SBNO2: variants seen among roughly 807,000 people sequenced by gnomAD.
The protein encoded by SBNO2 is strawberry notch homolog 2.
A neutral mutation model predicts 146.3 loss-of-function variants in SBNO2; 89 were observed. The observed-to-expected ratio is 0.61, with a 90% confidence interval of 0.51 to 0.73. The LOEUF is 0.73. SBNO2 is among the 30% of genes least tolerant of loss of function. The pLI, the probability that SBNO2 is intolerant of heterozygous loss-of-function variation, is 0.00. For missense variants in SBNO2, 2,092 were observed against 2,003.7 expected (o/e 1.04, Z -0.84); for synonymous variants, 1,147 against 892.6 (o/e 1.29, Z -5.08).
At position 1,147,264 on chromosome 19, in the gene SBNO2, C is replaced by A. The variant is rs780489604; in HGVS notation, c.279+45G>T. ...AGGGCAGCTGGAGGGGCGGCCCAGA[C>A]TCCACCCTGCCCCCCACGGCGCGGT... On this transcript the variant is annotated intron_variant, in intron 4 of 31. Coordinates refer to ENST00000361757, the MANE Select transcript of SBNO2 (RefSeq NM_014963.3). 6 of 1,340,768 alleles carry A rather than the reference C, an allele frequency of 4.5e-6. 1 individual carries two copies. The South Asian group carries it at 7.5e-5, about 17-fold the overall frequency. 83.1% of individuals were successfully genotyped at this position (1,340,768 alleles called of 1,614,324 possible). A position where few individuals can be genotyped will look rare whatever the true frequency, so the allele number is the denominator to read the frequency against.
intron 4 of SBNO2, chr19:1,132,127 T>C (rs949564329): frequency 9.8e-6 from 15 of 1,524,550 alleles, no homozygotes; most frequent in Non-Finnish European, 1.3e-5. Flanking sequence ...CAGCTGCAGC[T>C]GGGACATGGT....
intron 4 of SBNO2, among the ~76,000 whole-genome samples, chr19:1,147,039 C>T (rs1455464439): frequency 6.6e-6 from 1 of 152,052 alleles, no homozygotes; most frequent in Non-Finnish European, 1.5e-5. Context: ...CCCCGCAACT[C>T]CCTCTGTGGC....
In SBNO2 at chr19:1,123,969, G is replaced by T; in HGVS notation, c.495C>A (p.His165Gln). 6.2e-7 allele frequency: 1 copy of T among 1,611,972 alleles called. No homozygotes were observed. The highest frequency in any genetic ancestry group is 8.5e-7 in the Non-Finnish European group (1 of 1,179,398). Reference protein sequence around the residue: ...FAGFEDFLPSHSTPLLVSYQE... With the variant: ...FAGFEDFLPSQSTPLLVSYQE... The stretch of plus-strand genomic sequence containing the variant: ...GGTAGCTGACGAGAAGCGGGGTGCT[G>T]TGGGAGGGCAGAAAGTCCTCGAAGC... Residue 165 changes from histidine (H) to glutamine (Q), a missense_variant, in exon 6 of 32, where the codon CAC becomes CAA. Physicochemically the swap from His to Gln is conservative, Grantham distance 24. Transcript: ENST00000361757.
chr19:1,112,584 C>T lies in SBNO2; in HGVS notation c.2380-47G>A. On this transcript the variant is annotated intron_variant, in intron 20 of 31. Coordinates refer to ENST00000361757, the MANE Select transcript of SBNO2 (RefSeq NM_014963.3). This position sits in a 1 kb window ranked among gnomAD's most constrained non-coding sequence, Gnocchi z 5.9. The stretch of plus-strand genomic sequence containing the variant: ...GGACACGGTTGGTGCAAGGCCCGCC[C>T]CAGCGTTGCCGCCACCTCCTCACCC... 1 of 1,530,104 alleles carries T rather than the reference C, an allele frequency of 6.5e-7. No individual in the cohort carries two copies. The highest frequency in any genetic ancestry group is 1.2e-5 in the South Asian group (1 of 82,318). The allele number at this position is 1,530,104 out of a possible 1,614,324, so 94.8% of individuals were successfully genotyped here.
Position 1,114,320 on chromosome 19 carries a change from A to G in SBNO2, c.1988T>C (p.Leu663Pro), listed in dbSNP as rs1235792714. The G allele has an allele frequency of 3.2e-6, 5 of 1,556,562 alleles. No individual in the cohort carries two copies. Among genetic ancestry groups the G allele is most frequent in the Non-Finnish European group, 3.5e-6 (4 of 1,150,230 alleles). Residue 663 changes from leucine (L) to proline (P), a missense_variant, in exon 18 of 32, where the codon CTG (leucine) becomes CCG (proline). Leu to Pro is a moderately conservative substitution (Grantham distance 98, BLOSUM62 -3). Transcript: ENST00000361757. Reference sequence around the variant, plus strand: ...GGGGGAGGAGTTGAAGTCGCTGTCCAGGCCAGGGTCCGACTCCGTGCTGCT... The same window carrying G: ...GGGGGAGGAGTTGAAGTCGCTGTCCGGGCCAGGGTCCGACTCCGTGCTGCT... The part of the protein sequence containing the change: ...DDSSTESDPG[L>P]DSDFNSSPES...
At chr19:1,120,066 C>T (rs951612259) in intron 11 of SBNO2, 43 bp from the exon 12 acceptor site, 44 of 1,497,190 alleles carry the variant, frequency 2.9e-5, no homozygotes, top group Admixed American at 4.0e-5. Flanking sequence ...AGGACGGGGG[C>T]GACCCCAGGA....
rs746167036 is a variant in SBNO2, at chr19:1,109,458, C to G, written c.3217-35G>C. 171 of 1,565,204 alleles carry G rather than the reference C, an allele frequency of 1.1e-4. No individual in the cohort carries two copies. The East Asian group carries it at 4.0e-3, about 36-fold the overall frequency. On this transcript the variant is annotated intron_variant, in intron 28 of 31. Coordinates refer to ENST00000361757, the MANE Select transcript of SBNO2 (RefSeq NM_014963.3). This position sits in a 1 kb window ranked among gnomAD's most constrained non-coding sequence, Gnocchi z 4.2. ...GGGGCGTTGAGGCCGCGCCCCGGTC[C>G]GCCCCCCGCGGGCCCTCCTCTGGGG...
At position 1,112,733 on chromosome 19, in the gene SBNO2, C is replaced by A; in HGVS notation, c.2379+85G>T. 6.8e-7 allele frequency: 1 copy of A among 1,474,896 alleles called. No individual in the cohort carries two copies. Among genetic ancestry groups the A allele is most frequent in the South Asian group, 1.3e-5 (1 of 76,128 alleles). 91.4% of individuals were successfully genotyped at this position (1,474,896 alleles called of 1,614,324 possible). ...GGCACACACACACTCCAGAAGTGCG[C>A]GGGTCCACAGTCCCCGGGGACCCTT... On this transcript the variant is annotated intron_variant, in intron 20 of 31. Coordinates refer to ENST00000361757, the MANE Select transcript of SBNO2 (RefSeq NM_014963.3). The surrounding 1 kb of genome is among the most constrained non-coding windows in gnomAD (Gnocchi z 5.9).
At chr19:1,138,287 G>C (rs1228410450) in intron 4 of SBNO2, among the ~76,000 whole-genome samples, 2 of 149,394 alleles carry the variant, frequency 1.3e-5, no homozygotes, top group Non-Finnish European at 3.0e-5. Context: ...AACAGGTGCC[G>C]GAGAGCCTGG....
At chr19:1,146,883 G>A (rs1417466415) in intron 4 of SBNO2, among the ~76,000 whole-genome samples, 1 of 152,120 alleles carries the variant, frequency 6.6e-6, no homozygotes, top group African/African-American at 2.4e-5. Flanking sequence ...GAAGGAGGTG[G>A]AAAGTTCTGT....
rs532993855 is a variant in SBNO2 at position 1,158,396 on chromosome 19, G to C, written c.-126-3994C>G. ...AGGTGGAGCCTTGACGTGACCCCCA[G>C]AGCCAGACTCAGCAGCTCAGGCCAC... On this transcript the variant is annotated intron_variant, in intron 1 of 31. Coordinates refer to ENST00000361757, the MANE Select transcript of SBNO2 (RefSeq NM_014963.3). The surrounding 1 kb of genome is among the most constrained non-coding windows in gnomAD (Gnocchi z 9.9). Among the ~76,000 whole-genome samples the C allele has an allele frequency of 1.3e-5, 2 of 152,238 alleles. No individual in the cohort carries two copies. Among genetic ancestry groups the C allele is most frequent in the East Asian group, 1.9e-4 (1 of 5,174 alleles).
intron 14 of SBNO2, among the ~76,000 whole-genome samples, chr19:1,117,857 C>G (rs1215709921): frequency 6.6e-6 from 1 of 152,354 alleles, no homozygotes; most frequent in African/African-American, 2.4e-5. Flanking sequence ...CTGGGCATGT[C>G]TGGGGCTGGC....
At chr19:1,123,476 TCGGTCC>T in intron 7 of SBNO2, 52 bp downstream of exon 7, 1 of 1,457,284 alleles carries the variant, frequency 6.9e-7, no homozygotes. Context: ...CTGCAGGGTC[TCGGTCC>T]CACAAAAGGG....
intron 5 of SBNO2, 198 bp from the exon 6 acceptor site, chr19:1,124,220 C>A: frequency 1.6e-6 from 1 of 616,616 alleles, no homozygotes; most frequent in Non-Finnish European, 2.9e-6. Flanking sequence ...CCAGTGGGCA[C>A]CTCCCTGGGG....
chr19:1,149,543 G>T, intron 2 of SBNO2, 101 bp from the exon 3 acceptor site: 1 of 1,107,118 alleles, frequency 9.0e-7, no homozygotes, highest in Non-Finnish European at 1.3e-6. Context: ...GGCTAGGGAG[G>T]CCCCGCAGTC....
chr19:1,166,033 C>CCAGATCT (rs2080417491), intron 1 of SBNO2, among the ~76,000 whole-genome samples: 1 of 13,966 alleles, frequency 7.2e-5, no homozygotes. Flanking sequence ...ACCCCAGACC[C>CCAGATCT]CAGACCCCAG....
intron 31 of SBNO2, 32 bp downstream of exon 31, chr19:1,108,747 G>T: frequency 1.3e-6 from 2 of 1,589,090 alleles, no homozygotes; most frequent in Non-Finnish European, 8.5e-7. Flanking sequence ...CTGGGGGCTC[G>T]GGCCTTCCCG....
chr19:1,132,148 G>T (rs770380453), intron 4 of SBNO2: 3 of 1,471,108 alleles, frequency 2.0e-6, no homozygotes, highest in Non-Finnish European at 1.8e-6. Flanking sequence ...CCCGGCGCTC[G>T]GGGGGCCAGG....
rs764528439 is a variant in SBNO2 at position 1,147,434 on chromosome 19, G to C, written c.168-14C>G. The C allele has an allele frequency of 3.8e-3, 4,325 of 1,128,180 alleles. 226 individuals carry two copies. The highest frequency in any genetic ancestry group is 5.6e-3 in the South Asian group (351 of 62,788). 69.9% of individuals were successfully genotyped at this position (1,128,180 alleles called of 1,614,324 possible). On this transcript the variant is annotated splice_polypyrimidine_tract_variant and intron_variant, in intron 3 of 31. Transcript: ENST00000361757. ...CTCATGAACGGGCTGGAGGGAGATG[G>C]GGGGGGGGGAGGTGAGATGGGGTGC... is the stretch of plus-strand genomic sequence containing the variant.
Sources: gnomAD v4.1 joint callset for allele counts (sites outside exome capture counted in the v4.1 genomes callset) on GRCh38, gnomAD v4.1.1 for gene constraint, Gnocchi (gnomAD v3.1) non-coding constraint, MANE v1.5 for transcripts, NCBI Gene and HGNC (gene_info 2026-07-23, HGNC 2026-07-21) for gene names.